Variants in PTPRG observed in about 807,000 individuals in gnomAD.
PTPRG encodes the protein receptor-type tyrosine-protein phosphatase gamma.
Under a neutral mutation model 165.3 loss-of-function variants are expected in PTPRG, and 102 were observed. That is an observed-to-expected ratio of 0.62 (90% CI 0.53 to 0.73). The LOEUF (loss-of-function observed/expected upper bound fraction) is 0.73, where lower values mean the gene tolerates loss of function less well. Among genes scored for constraint, PTPRG ranks in the 30% least tolerant of loss-of-function variants. The probability of loss-of-function intolerance (pLI) is 0.00; values close to 1 mark genes in which losing one functional copy is unlikely to be tolerated. For missense variants in PTPRG, 1,866 were observed against 1,861.4 expected (o/e 1.00, Z -0.05); for synonymous variants, 675 against 669.5 (o/e 1.01, Z -0.13).
intron 1 of PTPRG, among the ~76,000 whole-genome samples, chr3:61,661,629 A>G (rs936623608): frequency 3.9e-5 from 6 of 152,200 alleles, no homozygotes; most frequent in Admixed American, 6.5e-5. Flanking sequence ...TATAAATTCT[A>G]TTCCTTTTAT....
At chr3:61,698,629 T>A (rs1575596217) in intron 1 of PTPRG, among the ~76,000 whole-genome samples, 2 of 152,302 alleles carry the variant, frequency 1.3e-5, no homozygotes, top group Middle Eastern at 6.8e-3. Context: ...TCCTTTATAC[T>A]CTTAAGAATT....
chr3:62,075,861 A>G (rs1397821943), intron 4 of PTPRG, among the ~76,000 whole-genome samples: 2 of 152,208 alleles, frequency 1.3e-5, no homozygotes, highest in Non-Finnish European at 1.5e-5. Context: ...TCATGAAAGA[A>G]CTAATTATAT....
At chr3:62,284,251 G>A (rs1307668969) in intron 28 of PTPRG, among the ~76,000 whole-genome samples, 1 of 152,034 alleles carries the variant, frequency 6.6e-6, no homozygotes. Context: ...ATAACCACCA[G>A]TTAAATACTA....
At chr3:61,937,920 C>G (rs917859034) in intron 2 of PTPRG, among the ~76,000 whole-genome samples, 8 of 148,470 alleles carry the variant, frequency 5.4e-5, no homozygotes, top group African/African-American at 2.0e-4. Flanking sequence ...GAAAAACAAT[C>G]CTGCATTTGA....
At chr3:61,685,103 C>T (rs541806413) in intron 1 of PTPRG, among the ~76,000 whole-genome samples, 8 of 152,326 alleles carry the variant, frequency 5.3e-5, no homozygotes, top group Admixed American at 3.3e-4. Flanking sequence ...ACAAGACTGC[C>T]TACCTCCCTC....
At chr3:61,829,417 G>A (rs903180155) in intron 2 of PTPRG, among the ~76,000 whole-genome samples, 2 of 152,202 alleles carry the variant, frequency 1.3e-5, no homozygotes, top group Non-Finnish European at 2.9e-5. Context: ...CTGTCGAGGC[G>A]GGTGCAGGCT....
intron 2 of PTPRG, among the ~76,000 whole-genome samples, chr3:61,866,690 C>T (rs1332869581): frequency 6.8e-6 from 1 of 146,100 alleles, no homozygotes; most frequent in African/African-American, 2.5e-5. Flanking sequence ...ACTTTGCCTC[C>T]CTAGTTCAAG....
intron 2 of PTPRG, among the ~76,000 whole-genome samples, chr3:61,798,272 G>T (rs2107157930): frequency 6.6e-6 from 1 of 152,274 alleles, no homozygotes; most frequent in East Asian, 1.9e-4. Context: ...AGCTATAAAT[G>T]CTAAAATACC....
rs1196514523 is a variant in PTPRG, at chr3:62,138,242, G to A, written c.682+5574G>A. 2.0e-5 allele frequency among the ~76,000 whole-genome samples: 3 copies of A among 152,290 alleles called. No individual in the cohort carries two copies. The East Asian group carries it at 5.8e-4, about 29-fold the overall frequency. On this transcript the variant is annotated intron_variant, in intron 6 of 29. Transcript: ENST00000474889. The stretch of plus-strand genomic sequence containing the variant: ...AAAATAAATATAAAATAAACAGCAA[G>A]TACTAAGTCATTAGCAAAAACACAA...
intron 1 of PTPRG, among the ~76,000 whole-genome samples, chr3:61,710,647 G>T (rs1015773106): frequency 6.6e-6 from 1 of 151,972 alleles, no homozygotes; most frequent in East Asian, 1.9e-4. Context: ...GCTATTGTTA[G>T]TGTTAGTGTA....
chr3:61,991,574 A>G (rs113687822), intron 3 of PTPRG, among the ~76,000 whole-genome samples: 26 of 152,364 alleles, frequency 1.7e-4, no homozygotes, highest in African/African-American at 6.3e-4. Flanking sequence ...GTTACAATTC[A>G]GAATTTACCT....
At chr3:62,231,493 T>C (rs1328017984) in intron 14 of PTPRG, among the ~76,000 whole-genome samples, 182 bp downstream of exon 14, 1 of 152,190 alleles carries the variant, frequency 6.6e-6, no homozygotes, top group East Asian at 1.9e-4. Flanking sequence ...GGGTAGCTGG[T>C]ACCAATTAAA....
At chr3:61,666,118 C>T (rs1702806824) in intron 1 of PTPRG, among the ~76,000 whole-genome samples, 1 of 151,890 alleles carries the variant, frequency 6.6e-6, no homozygotes, top group Admixed American at 6.6e-5. Flanking sequence ...GCCAGAAAAT[C>T]CTATAAAGGA....
At chr3:62,125,963 C>T (rs748021342) in intron 5 of PTPRG, among the ~76,000 whole-genome samples, 12 of 152,108 alleles carry the variant, frequency 7.9e-5, no homozygotes, top group African/African-American at 1.2e-4. Flanking sequence ...CGGGCCCCCA[C>T]GGGAGTACCA....
chr3:62,102,753 A>T (rs79213869), intron 5 of PTPRG, among the ~76,000 whole-genome samples: 2,352 of 152,260 alleles, frequency 0.015, 56 homozygotes, highest in African/African-American at 0.048. Flanking sequence ...ACAGGAATAA[A>T]TGTCCTTCTG....
chr3:62,075,207 G>C (rs570062239), intron 4 of PTPRG, among the ~76,000 whole-genome samples: 1 of 152,114 alleles, frequency 6.6e-6, no homozygotes, highest in Non-Finnish European at 1.5e-5. Context: ...TGTATCACAC[G>C]CTATTCGGGT....
chr3:61,981,982 C>T (rs2040652986), intron 2 of PTPRG, among the ~76,000 whole-genome samples: 1 of 152,140 alleles, frequency 6.6e-6, no homozygotes, highest in Admixed American at 6.6e-5. Flanking sequence ...CAAGGTAAAT[C>T]TTACTTGTTA....
At chr3:61,855,250 T>C (rs1224668023) in intron 2 of PTPRG, among the ~76,000 whole-genome samples, 3 of 152,164 alleles carry the variant, frequency 2.0e-5, no homozygotes, top group African/African-American at 7.2e-5. Flanking sequence ...TGGGCTCTTG[T>C]TCTAGATTAG....
At chr3:61,603,731 T>C (rs1700926079) in intron 1 of PTPRG, among the ~76,000 whole-genome samples, 1 of 152,220 alleles carries the variant, frequency 6.6e-6, no homozygotes, top group East Asian at 1.9e-4. Context: ...TTGTAGCTTC[T>C]GGTCCTTGCT....
Sources: allele counts gnomAD v4.1 joint callset (sites outside exome capture counted in the v4.1 genomes callset), GRCh38; gene constraint gnomAD v4.1.1; transcripts MANE v1.5; gene names NCBI Gene and HGNC (gene_info 2026-07-23, HGNC 2026-07-21).